The following PRKAA2 variants were observed in gnomAD, a reference collection of about 807,000 sequenced individuals.
PRKAA2 encodes protein kinase AMP-activated catalytic subunit alpha 2, also known as 5'-AMP-activated protein kinase catalytic subunit alpha-2.
PRKAA2 carries 40 observed loss-of-function variants against 56.3 expected under a neutral mutation model. The ratio of observed to expected loss-of-function variants is 0.71; its 90% CI spans 0.55 to 0.92. The LOEUF is 0.92. Ranked by LOEUF, PRKAA2 falls within the 40% of genes least tolerant of loss-of-function variation. PRKAA2 has a pLI of 0.00. For missense variants in PRKAA2, 542 were observed against 686.9 expected, an observed-to-expected ratio of 0.79 and a Z score of 2.36; for synonymous variants, 214 against 234.2, an observed-to-expected ratio of 0.91 and a Z score of 0.79.
chr1:56,706,140 G>A lies in PRKAA2; in HGVS notation c.1342G>A (p.Gly448Ser), dbSNP rs900530381. The change falls in exon 8 of 9, where the codon GGC becomes AGC. Residue 448 changes from glycine (G) to serine (S), a missense_variant. Around this residue, in one of 5 missense-constraint regions of PRKAA2, gnomAD observed 158 missense variants for 166.1 expected, o/e 0.95. Coordinates refer to ENST00000371244, the MANE Select transcript of PRKAA2 (RefSeq NM_006252.4). ...LRVRRKNPVT[G>S]NYVKMSLQLY... ...TGTAAGAAGAAAAAATCCAGTGACTGGCAATTACGTGAAAATGAGCTTACA... is the reference window on the plus strand; with the variant it reads ...TGTAAGAAGAAAAAATCCAGTGACTAGCAATTACGTGAAAATGAGCTTACA... The A allele has an allele frequency of 6.2e-7, 1 of 1,613,054 alleles. No individual in the cohort carries two copies. Among genetic ancestry groups the A allele is most frequent in the Non-Finnish European group, 8.5e-7 (1 of 1,179,162 alleles).
At chr1:56,680,102 A>T (rs1644142524) in intron 2 of PRKAA2, among the ~76,000 whole-genome samples, 2 of 152,132 alleles carry the variant, frequency 1.3e-5, no homozygotes, top group African/African-American at 2.4e-5. Context: ...GGGTAGTCAA[A>T]AGTTAAACGT....
intron 1 of PRKAA2, among the ~76,000 whole-genome samples, chr1:56,673,453 T>C (rs1644091747): frequency 6.6e-6 from 1 of 152,134 alleles, no homozygotes; most frequent in Non-Finnish European, 1.5e-5. Context: ...AGGGTGTTTG[T>C]CACTGAAAGG....
At chr1:56,650,259 A>C (rs2100377064) in intron 1 of PRKAA2, among the ~76,000 whole-genome samples, 1 of 152,334 alleles carries the variant, frequency 6.6e-6, no homozygotes, top group South Asian at 2.1e-4. Context: ...TTGTTAATAA[A>C]GCCTTATTTA....
chr1:56,647,179 T>A (rs1646650102), intron 1 of PRKAA2, among the ~76,000 whole-genome samples: 1 of 152,236 alleles, frequency 6.6e-6, no homozygotes, highest in Non-Finnish European at 1.5e-5. Context: ...ATAGTTAGAA[T>A]GTATTTAAGA....
At position 56,645,353 on chromosome 1, in the gene PRKAA2, C is replaced by G. The variant is rs747012776; in HGVS notation, c.-35C>G. The G allele has an allele frequency of 2.8e-6, 4 of 1,426,970 alleles. No individual in the cohort carries two copies. The highest frequency in any genetic ancestry group is 1.3e-5 in the South Asian group (1 of 78,196). The allele number at this position is 1,426,970 out of a possible 1,614,324, so 88.4% of individuals were successfully genotyped here. A position where few individuals can be genotyped will look rare whatever the true frequency, so the allele number is the denominator to read the frequency against. ...CGGCGGCGGCGGCGGCTACGCGGAG[C>G]GGCAGGCGGTGGAGCGAGGCCGCGC... On this transcript the variant is annotated 5_prime_UTR_variant, in exon 1 of 9. Transcript: ENST00000371244.
At chr1:56,684,392 C>T (rs1289779930) in intron 2 of PRKAA2, among the ~76,000 whole-genome samples, 2 of 151,936 alleles carry the variant, frequency 1.3e-5, no homozygotes, top group African/African-American at 4.8e-5. Flanking sequence ...ATTTGGAAGC[C>T]ATCAGCAGAC....
chr1:56,681,670 G>T lies in PRKAA2; in HGVS notation c.236+7148G>T, dbSNP rs1169575621. ...TGTCAAAGATCAGATGGTTGTAGATGTGTGGTATTATTTCTGAGGCCTCTG... is the reference window on the plus strand; with the variant it reads ...TGTCAAAGATCAGATGGTTGTAGATTTGTGGTATTATTTCTGAGGCCTCTG... On this transcript the variant is annotated intron_variant, in intron 2 of 8. Transcript: ENST00000371244. Among the ~76,000 whole-genome samples, 11 of 152,134 alleles carry T rather than the reference G, an allele frequency of 7.2e-5. No homozygotes were observed. The East Asian group carries it at 7.7e-4, about 11-fold the overall frequency.
intron 1 of PRKAA2, among the ~76,000 whole-genome samples, chr1:56,669,460 A>C (rs1400353034): frequency 6.6e-6 from 1 of 152,008 alleles, no homozygotes; most frequent in Admixed American, 6.5e-5. Flanking sequence ...CAGAAAAAAA[A>C]AAAAGTGCTG....
At chr1:56,689,805 T>G (rs1300888889) in intron 2 of PRKAA2, among the ~76,000 whole-genome samples, 2 of 152,092 alleles carry the variant, frequency 1.3e-5, no homozygotes, top group African/African-American at 4.8e-5. Flanking sequence ...TTGTAGTTTT[T>G]GGGAAAAAAA....
intron 1 of PRKAA2, among the ~76,000 whole-genome samples, chr1:56,646,895 C>T (rs757424434): frequency 1.3e-5 from 2 of 152,076 alleles, no homozygotes; most frequent in Admixed American, 6.5e-5. Flanking sequence ...AATGAGGATA[C>T]AGCAAGGAAA....
rs148121634 is a variant in PRKAA2 at position 56,704,742 on chromosome 1, A to G, written c.1293+267A>G. On this transcript the variant is annotated intron_variant, in intron 7 of 8. Coordinates refer to ENST00000371244, the MANE Select transcript of PRKAA2 (RefSeq NM_006252.4). ...AAATAGCTTACCAGTTTCAGCATGCATCATAGCAATGAAAAATCATGAGTG... is the reference window on the plus strand; with the variant it reads ...AAATAGCTTACCAGTTTCAGCATGCGTCATAGCAATGAAAAATCATGAGTG... Among the ~76,000 whole-genome samples the G allele has an allele frequency of 2.7e-3, 406 of 152,262 alleles. 4 individuals carry two copies. Among genetic ancestry groups the G allele is most frequent in the African/African-American group, 9.4e-3 (389 of 41,558 alleles).
intron 2 of PRKAA2, among the ~76,000 whole-genome samples, chr1:56,690,164 CTT>C (rs35151388): frequency 1.9e-4 from 27 of 141,152 alleles, no homozygotes; most frequent in South Asian, 2.3e-4. Flanking sequence ...ATCATCACAT[CTT>C]TTTTTTTTTT....
chr1:56,693,696 T>C, intron 4 of PRKAA2, 69 bp from the exon 5 acceptor site: 1 of 1,118,744 alleles, frequency 8.9e-7, no homozygotes, highest in Non-Finnish European at 1.3e-6. Flanking sequence ...GAAATTTTGC[T>C]CATATTTATA....
At chr1:56,690,578 A>G (rs1209406131) in intron 2 of PRKAA2, among the ~76,000 whole-genome samples, 6 of 152,230 alleles carry the variant, frequency 3.9e-5, no homozygotes, top group African/African-American at 1.2e-4. Context: ...TTGAATCAGA[A>G]TCAAAATAAG....
At chr1:56,672,448 A>G (rs1644084219) in intron 1 of PRKAA2, among the ~76,000 whole-genome samples, 1 of 152,136 alleles carries the variant, frequency 6.6e-6, no homozygotes, top group African/African-American at 2.4e-5. Context: ...GTTGAACTTG[A>G]GTTATTTCTG....
Position 56,706,165 on chromosome 1 carries a change from A to C in PRKAA2, c.1367A>C (p.Gln456Pro), listed in dbSNP as rs1230460047. The change falls in exon 8 of 9, where the codon CAA (glutamine) becomes CCA (proline). Residue 456 changes from glutamine (Q) to proline (P), a missense_variant. Physicochemically the swap from Gln to Pro is moderately conservative, Grantham distance 76. Transcript: ENST00000371244. ...VTGNYVKMSLQLYLVDNRSYL... is the reference protein window; with the variant it reads ...VTGNYVKMSLPLYLVDNRSYL... ...GGCAATTACGTGAAAATGAGCTTAC[A>C]ACTTTACCTGGTTGATAACAGGAGC... 2.5e-6 allele frequency: 4 copies of C among 1,613,894 alleles called. No individual in the cohort carries two copies.
chr1:56,700,838 A>G (rs1200538244), intron 6 of PRKAA2, among the ~76,000 whole-genome samples: 1 of 152,108 alleles, frequency 6.6e-6, no homozygotes, highest in Non-Finnish European at 1.5e-5. Flanking sequence ...TCAATGCCCC[A>G]GTGATTGTTA....
intron 1 of PRKAA2, among the ~76,000 whole-genome samples, chr1:56,655,630 C>T (rs1274275839): frequency 1.3e-5 from 2 of 152,012 alleles, no homozygotes; most frequent in Non-Finnish European, 2.9e-5. Context: ...CCATTAGGCC[C>T]CATCTCCAAC....
chr1:56,655,281 T>TATATATATA (rs1553146924), intron 1 of PRKAA2, among the ~76,000 whole-genome samples: 5,169 of 76,328 alleles, frequency 0.068, 63 homozygotes, highest in Admixed American at 0.11. Flanking sequence ...TATATATATA[T>TATATATATA]TTTTTTTTTT....
Sources: allele counts gnomAD v4.1 joint callset (sites outside exome capture counted in the v4.1 genomes callset), GRCh38; gene constraint gnomAD v4.1.1; regional missense constraint gnomAD v4.1.1; transcripts MANE v1.5; gene names NCBI Gene and HGNC (gene_info 2026-07-23, HGNC 2026-07-21).